Variants in COL22A1 observed in about 807,000 individuals in gnomAD.
COL22A1 encodes collagen alpha-1(XXII) chain.
COL22A1 carries 221 observed loss-of-function variants against 248.9 expected under a neutral mutation model. The observed-to-expected ratio is 0.89, with a 90% CI of 0.80 to 0.99. The LOEUF (loss-of-function observed/expected upper bound fraction) is 0.99, where lower values mean the gene tolerates loss of function less well. Ranked by LOEUF, COL22A1 falls within the 50% of genes least tolerant of loss-of-function variation. COL22A1 has a pLI of 0.00. For missense variants in COL22A1, 2,240 were observed against 2,179.0 expected (o/e 1.03, Z -0.56); for synonymous variants, 891 against 793.4 (o/e 1.12, Z -2.07).
intron 9 of COL22A1, among the ~76,000 whole-genome samples, chr8:138,809,414 T>G (rs1817992917): frequency 6.6e-6 from 1 of 152,216 alleles, no homozygotes; most frequent in Non-Finnish European, 1.5e-5. Context: ...GAAGGAGTGA[T>G]TAAGTCATTA....
At chr8:138,630,875 T>G in intron 49 of COL22A1, 127 bp from the exon 50 acceptor site, 1 of 838,260 alleles carries the variant, frequency 1.2e-6, no homozygotes, top group Non-Finnish European at 2.0e-6. Context: ...CATGTTGAAA[T>G]GTGATTCCCA....
chr8:138,883,802 G>A (rs1185423114), intron 1 of COL22A1, among the ~76,000 whole-genome samples: 1 of 152,124 alleles, frequency 6.6e-6, no homozygotes, highest in Non-Finnish European at 1.5e-5. Flanking sequence ...CCCCAGCCAT[G>A]CGGAACAATG....
At chr8:138,779,368 C>T in intron 14 of COL22A1, 141 bp downstream of exon 14, 1 of 611,328 alleles carries the variant, frequency 1.6e-6, no homozygotes, top group Non-Finnish European at 3.0e-6. Flanking sequence ...TGGATATACA[C>T]ACACAAATGT....
intron 47 of COL22A1, among the ~76,000 whole-genome samples, chr8:138,646,068 C>A (rs1434886936): frequency 6.6e-6 from 1 of 152,192 alleles, no homozygotes; most frequent in East Asian, 1.9e-4. Flanking sequence ...AGCCAGAGAG[C>A]TTCCCTGCCT....
At chr8:138,760,991 T>TC (rs1317148282) in intron 17 of COL22A1, among the ~76,000 whole-genome samples, 1 of 152,076 alleles carries the variant, frequency 6.6e-6, no homozygotes, top group Non-Finnish European at 1.5e-5. Context: ...TCAATCTCCA[T>TC]CCATGGACAG....
intron 41 of COL22A1, among the ~76,000 whole-genome samples, chr8:138,671,132 A>C (rs1824990179): frequency 6.6e-6 from 1 of 152,172 alleles, no homozygotes. Flanking sequence ...GGAGATTTTC[A>C]ACAATTTTTA....
At chr8:138,834,347 G>GAAAAAAAAAAAAAAAA (rs71316365) in intron 4 of COL22A1, among the ~76,000 whole-genome samples, 4 of 128,602 alleles carry the variant, frequency 3.1e-5, no homozygotes, top group Admixed American at 7.9e-5. Flanking sequence ...AAGAGAAAAA[G>GAAAAAAAAAAAAAAAA]AAAAAAAAAA....
intron 41 of COL22A1, among the ~76,000 whole-genome samples, chr8:138,664,209 G>GCGCGCGCACACACACACACA (rs1440442280): frequency 9.7e-6 from 1 of 103,158 alleles, no homozygotes; most frequent in East Asian, 3.2e-4. Context: ...GCGCGCGCGC[G>GCGCGCGCACACACACACACA]CACACACACA....
chr8:138,835,838 A>C (rs1820389300), intron 4 of COL22A1, among the ~76,000 whole-genome samples: 1 of 30,180 alleles, frequency 3.3e-5, no homozygotes, highest in Non-Finnish European at 8.5e-5. Flanking sequence ...TAATAATAAC[A>C]GTGTAGTAGA....
intron 30 of COL22A1, among the ~76,000 whole-genome samples, chr8:138,713,728 TAGGGGG>T: frequency 6.8e-6 from 1 of 146,014 alleles, no homozygotes; most frequent in South Asian, 2.1e-4. Flanking sequence ...CGCCCCGCCG[TAGGGGG>T]TTCATGCAAC....
chr8:138,632,396 C>G (rs938274486), intron 49 of COL22A1, among the ~76,000 whole-genome samples: 2 of 152,102 alleles, frequency 1.3e-5, no homozygotes, highest in African/African-American at 4.8e-5. Flanking sequence ...GAGTTAGCAC[C>G]AGAGAAATGC....
At chr8:138,735,879 C>T (rs909760671) in intron 23 of COL22A1, among the ~76,000 whole-genome samples, 1 of 152,180 alleles carries the variant, frequency 6.6e-6, no homozygotes, top group African/African-American at 2.4e-5. Context: ...ATGAGTGCCT[C>T]CCTGCCAACG....
intron 42 of COL22A1, among the ~76,000 whole-genome samples, chr8:138,662,509 G>A (rs1425833890): frequency 1.3e-5 from 2 of 152,130 alleles, no homozygotes; most frequent in Non-Finnish European, 2.9e-5. Context: ...CATATGCCTG[G>A]CGATTACAAC....
chr8:138,711,439 G>T (rs117837680), intron 30 of COL22A1, among the ~76,000 whole-genome samples: 6,447 of 152,328 alleles, frequency 0.042, 194 homozygotes, highest in East Asian at 0.12. Flanking sequence ...TTGGAAGCTT[G>T]AATGTGACTG....
rs1209292927 is a variant in COL22A1, at chr8:138,809,527, T to C, written c.1450-1715A>G. On this transcript the variant is annotated intron_variant, in intron 9 of 64. Coordinates refer to ENST00000303045, the MANE Select transcript of COL22A1 (RefSeq NM_152888.3). ...TTTTCTTCTTCTCTTTTTTTCTTTTTCTTTTTTTTTTGAGACAGAGTCTCA... is the reference window on the plus strand; with the variant it reads ...TTTTCTTCTTCTCTTTTTTTCTTTTCCTTTTTTTTTTGAGACAGAGTCTCA... Among the ~76,000 whole-genome samples, 2 of 112,022 alleles carry C rather than the reference T, an allele frequency of 1.8e-5. 1 individual carries two copies. The highest frequency in any genetic ancestry group is 4.6e-4 in the East Asian group (2 of 4,390). 73.5% of individuals were successfully genotyped at this position (112,022 alleles called of 152,430 possible). A position where few individuals can be genotyped will look rare whatever the true frequency, so the allele number is the denominator to read the frequency against.
At position 138,606,283 on chromosome 8, in the gene COL22A1, C is replaced by G. The variant is rs191888361; in HGVS notation, c.4104+98G>C. The G allele has an allele frequency of 6.1e-5, 68 of 1,119,070 alleles. No individual in the cohort carries two copies. In the Admixed American group the frequency reaches 9.5e-4, roughly 16 times the overall value. The allele number at this position is 1,119,070 out of a possible 1,614,324, so 69.3% of individuals were successfully genotyped here. A position where few individuals can be genotyped will look rare whatever the true frequency, so the allele number is the denominator to read the frequency against. On this transcript the variant is annotated intron_variant, in intron 58 of 64. Transcript: ENST00000303045. The stretch of plus-strand genomic sequence containing the variant: ...CACAGGTCATCATGGCCTGAGCAGA[C>G]AGAACTGAGGACACAGGAGGTGGCA...
intron 23 of COL22A1, among the ~76,000 whole-genome samples, chr8:138,729,017 C>T (rs914818484): frequency 6.6e-6 from 1 of 152,102 alleles, no homozygotes; most frequent in African/African-American, 2.4e-5. Context: ...AGAAAAAAAC[C>T]AGAAAGGCAG....
At chr8:138,902,739 T>TATATACACACAC (rs763466994) in intron 1 of COL22A1, among the ~76,000 whole-genome samples, 115 of 93,880 alleles carry the variant, frequency 1.2e-3, no homozygotes, top group African/African-American at 4.8e-3. Flanking sequence ...TATATATATA[T>TATATACACACAC]ACACACACAC....
rs1193687556 is a variant in COL22A1, at chr8:138,883,242, G to A, written c.-70C>T. 7.0e-7 allele frequency: 1 copy of A among 1,435,046 alleles called. No homozygotes were observed. Among genetic ancestry groups the A allele is most frequent in the Non-Finnish European group, 9.5e-7 (1 of 1,050,482 alleles). 88.9% of individuals were successfully genotyped at this position (1,435,046 alleles called of 1,614,324 possible). A position where few individuals can be genotyped will look rare whatever the true frequency, so the allele number is the denominator to read the frequency against. The stretch of plus-strand genomic sequence containing the variant: ...ACGCTGTTAGGGTCTACAGCAGCAT[G>A]GCCTGTGTGGAGAAAGACACCCTTA... On this transcript the variant is annotated splice_region_variant and 5_prime_UTR_variant, in exon 2 of 65. Transcript: ENST00000303045.
Sources: gnomAD v4.1 joint callset for allele counts (sites outside exome capture counted in the v4.1 genomes callset) on GRCh38, gnomAD v4.1.1 for gene constraint, MANE v1.5 for transcripts, NCBI Gene and HGNC (gene_info 2026-07-23, HGNC 2026-07-21) for gene names.